Variants in TMEM132C observed in about 807,000 individuals in gnomAD.
TMEM132C encodes the protein transmembrane protein 132C.
In TMEM132C, 29 loss-of-function variants were observed where a neutral mutation model predicts 61.4. The observed-to-expected ratio is 0.47, with a 90% confidence interval of 0.35 to 0.64. The LOEUF is 0.64. Among genes scored for constraint, TMEM132C ranks in the 30% least tolerant of loss-of-function variants. The pLI is 0.00. For synonymous variants in TMEM132C, 656 were observed against 633.1 expected (o/e 1.04, Z -0.54); for missense variants, 1,408 against 1,476.9 (o/e 0.95, Z 0.76).
intron 1 of TMEM132C, among the ~76,000 whole-genome samples, chr12:128,289,338 G>A (rs1172539823): frequency 2.6e-5 from 4 of 152,182 alleles, no homozygotes; most frequent in African/African-American, 4.8e-5. Context: ...GTGACTAGCC[G>A]TTAGTTTTTA....
intron 1 of TMEM132C, among the ~76,000 whole-genome samples, chr12:128,286,171 T>A (rs1871065051): frequency 6.6e-6 from 1 of 152,076 alleles, no homozygotes; most frequent in East Asian, 1.9e-4. Context: ...ATTCTCTCAT[T>A]TGGATTTTCT....
At chr12:128,277,612 G>T (rs1870736761) in intron 1 of TMEM132C, among the ~76,000 whole-genome samples, 1 of 152,204 alleles carries the variant, frequency 6.6e-6, no homozygotes, top group Non-Finnish European at 1.5e-5. Context: ...AAGATAGAAG[G>T]TGTGATGATG....
chr12:128,299,845 G>A (rs1445387004), intron 1 of TMEM132C, among the ~76,000 whole-genome samples: 3 of 152,154 alleles, frequency 2.0e-5, no homozygotes, highest in Non-Finnish European at 4.4e-5. Context: ...GTGATTGCAG[G>A]TGGGTTCACA....
rs1308754886 is a variant in TMEM132C, at chr12:128,695,940, G to C, written c.1766G>C (p.Gly589Ala). 1 of 1,551,634 alleles carries C rather than the reference G, an allele frequency of 6.4e-7. No homozygotes were observed. The highest frequency in any genetic ancestry group is 8.7e-7 in the Non-Finnish European group (1 of 1,147,018). Residue 589 changes from glycine to alanine, a missense_variant, in exon 7 of 9, where the codon GGC becomes GCC. By Grantham distance (60) the Gly-to-Ala change is moderately conservative (BLOSUM62 0). Transcript: ENST00000435159. ...GTCCTCACCCAGTTTGTGTCTGAGG[G>C]CGCCGGTCCATGGGGCCAGCCGAAC... ...VRVLTQFVSE[G>A]AGPWGQPNYL...
chr12:128,357,768 C>T (rs1248456391), intron 1 of TMEM132C, among the ~76,000 whole-genome samples: 1 of 151,852 alleles, frequency 6.6e-6, no homozygotes, highest in Admixed American at 6.6e-5. Flanking sequence ...AAGGGTAAGG[C>T]CAGTGCAGTC....
chr12:128,574,053 C>A (rs760284984), intron 3 of TMEM132C, among the ~76,000 whole-genome samples: 6 of 111,412 alleles, frequency 5.4e-5, no homozygotes, highest in Non-Finnish European at 1.1e-4. Flanking sequence ...ATGTCCACTA[C>A]CGAGGGCACT....
chr12:128,311,015 T>C (rs1871947535), intron 1 of TMEM132C, among the ~76,000 whole-genome samples: 1 of 152,238 alleles, frequency 6.6e-6, no homozygotes, highest in Non-Finnish European at 1.5e-5. Context: ...ATCTATCATC[T>C]ATCAATATAA....
chr12:128,418,046 A>G (rs1022073578), intron 2 of TMEM132C, among the ~76,000 whole-genome samples: 25 of 152,144 alleles, frequency 1.6e-4, no homozygotes, highest in African/African-American at 5.8e-4. Context: ...GCCATCACAG[A>G]TCAAAGTCCT....
chr12:128,697,034 G>A (rs1954771088), intron 7 of TMEM132C, among the ~76,000 whole-genome samples, 190 bp from the exon 8 acceptor site: 1 of 152,170 alleles, frequency 6.6e-6, no homozygotes, highest in African/African-American at 2.4e-5. Flanking sequence ...AGGTGTCCTG[G>A]GGAAAGGGTA....
chr12:128,485,096 G>C (rs940160663), intron 2 of TMEM132C, among the ~76,000 whole-genome samples: 1 of 152,206 alleles, frequency 6.6e-6, no homozygotes, highest in Non-Finnish European at 1.5e-5. Context: ...TTCAAAAAGT[G>C]TGAGCAGAGC....
chr12:128,276,710 C>G (rs1190015425), intron 1 of TMEM132C, among the ~76,000 whole-genome samples: 1 of 152,184 alleles, frequency 6.6e-6, no homozygotes, highest in Non-Finnish European at 1.5e-5. Context: ...GCTGTGTTTC[C>G]TCACTGTCTC....
chr12:128,577,863 T>C (rs1271442621), intron 3 of TMEM132C, among the ~76,000 whole-genome samples: 1 of 152,244 alleles, frequency 6.6e-6, no homozygotes, highest in Non-Finnish European at 1.5e-5. Flanking sequence ...TACCACCTTC[T>C]TCGCGGCTCC....
intron 6 of TMEM132C, among the ~76,000 whole-genome samples, chr12:128,695,246 G>A (rs1287449905): frequency 6.6e-6 from 1 of 152,200 alleles, no homozygotes; most frequent in Non-Finnish European, 1.5e-5. Flanking sequence ...AGGGCTGGGT[G>A]TGGTAGTTCA....
At chr12:128,332,827 C>A (rs1872696236) in intron 1 of TMEM132C, among the ~76,000 whole-genome samples, 1 of 150,944 alleles carries the variant, frequency 6.6e-6, no homozygotes, top group African/African-American at 2.5e-5. Flanking sequence ...TATCTTTATT[C>A]TTCAAGGAGT....
At chr12:128,573,493 C>T (rs1593104624) in intron 3 of TMEM132C, among the ~76,000 whole-genome samples, 1 of 151,830 alleles carries the variant, frequency 6.6e-6, no homozygotes. Context: ...AGGAGATATA[C>T]CTAATGTAAA....
Position 128,278,987 on chromosome 12 carries a change from C to T in TMEM132C, c.85+11500C>T, listed in dbSNP as rs1870791002. 6.6e-6 allele frequency among the ~76,000 whole-genome samples: 1 copy of T among 152,070 alleles called. No individual in the cohort carries two copies. The highest frequency in any genetic ancestry group is 1.5e-5 in the Non-Finnish European group (1 of 68,018). Reference sequence around the variant, plus strand: ...CTTCCTTGGGTCTCCAGCCTGCCAGCCCACCCTACAGATTTTGGACTTGCC... The same window carrying T: ...CTTCCTTGGGTCTCCAGCCTGCCAGTCCACCCTACAGATTTTGGACTTGCC... On this transcript the variant is annotated intron_variant, in intron 1 of 8. Coordinates refer to ENST00000435159, the MANE Select transcript of TMEM132C (RefSeq NM_001136103.3). The surrounding 1 kb of genome is among the most constrained non-coding windows in gnomAD (Gnocchi z 4.2).
chr12:128,640,645 C>A (rs1276454627), intron 4 of TMEM132C, among the ~76,000 whole-genome samples: 5 of 152,174 alleles, frequency 3.3e-5, no homozygotes, highest in African/African-American at 1.2e-4. Flanking sequence ...CCTGTAATCC[C>A]AACACTTTGG....
At chr12:128,282,221 C>T (rs1181829408) in intron 1 of TMEM132C, among the ~76,000 whole-genome samples, 2 of 152,220 alleles carry the variant, frequency 1.3e-5, no homozygotes, top group Non-Finnish European at 2.9e-5. Context: ...CACAAGATAA[C>T]ATCAAAATCA....
chr12:128,267,591 C>T (rs376895565), intron 1 of TMEM132C, 104 bp downstream of exon 1: 11 of 940,114 alleles, frequency 1.2e-5, no homozygotes, highest in African/African-American at 8.8e-5. Context: ...GCGGGGGCCT[C>T]GGCGGGGGCT....
Sources: gnomAD v4.1 joint callset for allele counts (sites outside exome capture counted in the v4.1 genomes callset) on GRCh38, gnomAD v4.1.1 for gene constraint, Gnocchi (gnomAD v3.1) non-coding constraint, MANE v1.5 for transcripts, NCBI Gene and HGNC (gene_info 2026-07-23, HGNC 2026-07-21) for gene names.